IFNAR2: variants seen among roughly 807,000 people sequenced by gnomAD.
IFNAR2 encodes interferon alpha/beta receptor 2.
In IFNAR2, 30 loss-of-function variants were observed where a neutral mutation model predicts 49.4. That is an observed-to-expected ratio of 0.61 (90% CI 0.45 to 0.82). The LOEUF is 0.82. Among genes scored for constraint, IFNAR2 ranks in the 40% least tolerant of loss-of-function variants. The pLI is 0.00. For missense variants in IFNAR2, 600 were observed against 622.7 expected, an observed-to-expected ratio of 0.96 and a Z score of 0.39; for synonymous variants, 224 against 234.5, an observed-to-expected ratio of 0.96 and a Z score of 0.41.
At chr21:33,236,538 G>T (rs1173472122) in intron 1 of IFNAR2, among the ~76,000 whole-genome samples, 2 of 152,194 alleles carry the variant, frequency 1.3e-5, no homozygotes, top group Non-Finnish European at 2.9e-5. Flanking sequence ...AGTCCATGGG[G>T]CGAGGCTGGA....
chr21:33,256,908 T>A (rs1001707155), intron 7 of IFNAR2, among the ~76,000 whole-genome samples: 1 of 152,152 alleles, frequency 6.6e-6, no homozygotes, highest in African/African-American at 2.4e-5. Flanking sequence ...GATGTCAGGT[T>A]GAGGAGAGCA....
chr21:33,233,798 A>G (rs1444128660), intron 1 of IFNAR2, among the ~76,000 whole-genome samples: 2 of 152,186 alleles, frequency 1.3e-5, no homozygotes, highest in Non-Finnish European at 2.9e-5. Flanking sequence ...AGAGAAAGGT[A>G]AAAAGACTTG....
rs148873922 is a variant in IFNAR2, at chr21:33,260,211, C to A, written c.710-386C>A. On this transcript the variant is annotated intron_variant, in intron 7 of 8. Transcript: ENST00000342136. ...TCAAGCAAACTTTCCTTCCCCACTTCTTCCTGCCCGCAGCGCATGCTAACC... is the reference window on the plus strand; with the variant it reads ...TCAAGCAAACTTTCCTTCCCCACTTATTCCTGCCCGCAGCGCATGCTAACC... 2.4e-3 allele frequency among the ~76,000 whole-genome samples: 372 copies of A among 152,316 alleles called. 1 individual carries two copies. The highest frequency in any genetic ancestry group is 8.3e-3 in the African/African-American group (344 of 41,570).
intron 1 of IFNAR2, among the ~76,000 whole-genome samples, chr21:33,239,453 T>C (rs1017082576): frequency 6.6e-6 from 1 of 152,232 alleles, no homozygotes; most frequent in Non-Finnish European, 1.5e-5. Context: ...GCCATCAATG[T>C]TGTGAGCTAC....
chr21:33,235,525 A>T (rs1364949463), intron 1 of IFNAR2, among the ~76,000 whole-genome samples: 1 of 152,216 alleles, frequency 6.6e-6, no homozygotes, highest in Admixed American at 6.5e-5. Context: ...CCAAATAAAA[A>T]TGCCTGAGAA....
At position 33,262,881 on chromosome 21, in the gene IFNAR2, A is replaced by C; in HGVS notation, c.929A>C (p.Lys310Thr). 2 of 1,614,088 alleles carry C rather than the reference A, an allele frequency of 1.2e-6. 1 individual carries two copies. The highest frequency in any genetic ancestry group is 2.2e-5 in the South Asian group (2 of 91,078). Reference sequence around the variant, plus strand: ...GTGGAGGTCATTTACATCAACAGAAAGAAGAAAGTGTGGGATTATAATTAT... The same window carrying C: ...GTGGAGGTCATTTACATCAACAGAACGAAGAAAGTGTGGGATTATAATTAT... ...DMVEVIYINRKKKVWDYNYDD... is the reference protein window; with the variant it reads ...DMVEVIYINRTKKVWDYNYDD... Residue 310 changes from lysine to threonine, a missense_variant, in exon 9 of 9, where the codon AAG becomes ACG. Coordinates refer to ENST00000342136, the MANE Select transcript of IFNAR2 (RefSeq NM_001289125.3).
chr21:33,230,431 T>C lies in IFNAR2; in HGVS notation c.-84+215T>C. The stretch of plus-strand genomic sequence containing the variant: ...GCCGCACCTGCGACCCCAGGACCCC[T>C]CCCGGGCCCTGTCCTGCGCCCTCCA... On this transcript the variant is annotated intron_variant, in intron 1 of 8. Coordinates refer to ENST00000342136, the MANE Select transcript of IFNAR2 (RefSeq NM_001289125.3). The surrounding 1 kb of genome is among the most constrained non-coding windows in gnomAD (Gnocchi z 5.5). 1 of 467,452 alleles carries C rather than the reference T, an allele frequency of 2.1e-6. No individual in the cohort carries two copies. Among genetic ancestry groups the C allele is most frequent in the South Asian group, 1.6e-5 (1 of 61,502 alleles). The allele number at this position is 467,452 out of a possible 1,614,324, so 29.0% of individuals were successfully genotyped here. A position where few individuals can be genotyped will look rare whatever the true frequency, so the allele number is the denominator to read the frequency against.
chr21:33,236,705 C>T (rs1190224883), intron 1 of IFNAR2: 20 of 985,236 alleles, frequency 2.0e-5, no homozygotes, highest in Non-Finnish European at 2.4e-5. Flanking sequence ...GCCTAAACTG[C>T]AGGAGATGGG....
Position 33,263,286 on chromosome 21 carries a change from C to T in IFNAR2, c.1334C>T (p.Ala445Val). The change falls in exon 9 of 9, where the codon GCC (alanine) becomes GTC (valine). Residue 445 changes from alanine (A) to valine (V), a missense_variant. Transcript: ENST00000342136. ...LDDEDSDDLE[A>V]PLMLSSHLEE... ...GACGAGGACAGTGACGACTTAGAAG[C>T]CCCTCTGATGCTATCGTCTCATCTG... 1.9e-6 allele frequency: 3 copies of T among 1,614,190 alleles called. No individual in the cohort carries two copies. The highest frequency in any genetic ancestry group is 2.5e-6 in the Non-Finnish European group (3 of 1,180,030).
chr21:33,248,751 A>G lies in IFNAR2; in HGVS notation c.437A>G (p.Asn146Ser), dbSNP rs549962048. The change falls in exon 6 of 9, where the codon AAC becomes AGC. Residue 146 changes from asparagine to serine, a missense_variant. Physicochemically the swap from Asn to Ser is conservative, Grantham distance 46. Transcript: ENST00000342136. ...PPEFEIVGFT[N>S]HINVMVKFPS... Reference sequence around the variant, plus strand: ...GAGTTTGAGATTGTTGGTTTTACCAACCACATTAATGTGATGGTGAAATTT... The same window carrying G: ...GAGTTTGAGATTGTTGGTTTTACCAGCCACATTAATGTGATGGTGAAATTT... 2.8e-5 allele frequency: 45 copies of G among 1,610,938 alleles called. No individual in the cohort carries two copies. The Middle Eastern group carries it at 6.6e-4, about 24-fold the overall frequency.
At chr21:33,244,398 T>C (rs1987230853) in intron 3 of IFNAR2, among the ~76,000 whole-genome samples, 1 of 152,154 alleles carries the variant, frequency 6.6e-6, no homozygotes, top group South Asian at 2.1e-4. Flanking sequence ...ACTTCAGCAT[T>C]GTTGTGGGGC....
chr21:33,249,247 G>A (rs1987667989), intron 6 of IFNAR2, among the ~76,000 whole-genome samples: 1 of 151,736 alleles, frequency 6.6e-6, no homozygotes, highest in South Asian at 2.1e-4. Context: ...CGGAGGCTGA[G>A]GCAGGATAAT....
Position 33,244,939 on chromosome 21 carries a change from T to A in IFNAR2, c.98-12T>A, listed in dbSNP as rs946836306. On this transcript the variant is annotated splice_polypyrimidine_tract_variant and intron_variant, in intron 3 of 8. Coordinates refer to ENST00000342136, the MANE Select transcript of IFNAR2 (RefSeq NM_001289125.3). ...TTCCAAATTTCAATGCCCTTTTTCT[T>A]CTTCTCTTTAGATTACACAGATGAA... 3 of 1,613,246 alleles carry A rather than the reference T, an allele frequency of 1.9e-6. No homozygotes were observed. Among genetic ancestry groups the A allele is most frequent in the African/African-American group, 1.3e-5 (1 of 74,882 alleles).
intron 7 of IFNAR2, among the ~76,000 whole-genome samples, chr21:33,256,267 C>T (rs997547407): frequency 6.6e-6 from 1 of 152,186 alleles, no homozygotes; most frequent in Admixed American, 6.5e-5. Flanking sequence ...GGCGTGAATG[C>T]GTCATGTTGC....
chr21:33,230,321 C>T lies in IFNAR2; in HGVS notation c.-84+105C>T. ...TTCCCGGAATCCCCTCCGGTTCCCT[C>T]TCGCTCTCCCCGACTCCTCCTCCTC... On this transcript the variant is annotated intron_variant, in intron 1 of 8. Transcript: ENST00000342136. This position sits in a 1 kb window ranked among gnomAD's most constrained non-coding sequence, Gnocchi z 5.5. The T allele has an allele frequency of 2.1e-6, 2 of 962,244 alleles. No homozygotes were observed. The highest frequency in any genetic ancestry group is 1.3e-6 in the Non-Finnish European group (1 of 753,028). 59.6% of individuals were successfully genotyped at this position (962,244 alleles called of 1,614,324 possible).
intron 8 of IFNAR2, among the ~76,000 whole-genome samples, chr21:33,262,408 A>G (rs950434917): frequency 6.6e-6 from 1 of 151,568 alleles, no homozygotes; most frequent in Non-Finnish European, 1.5e-5. Flanking sequence ...CTCATAGAGC[A>G]GTTGCAAGGG....
chr21:33,240,348 G>A (rs185324376), intron 1 of IFNAR2, among the ~76,000 whole-genome samples: 96 of 152,272 alleles, frequency 6.3e-4, no homozygotes, highest in Admixed American at 5.6e-3. Context: ...TATAGCCTAG[G>A]AACAATAGTC....
At chr21:33,253,415 C>T (rs1053563138) in intron 7 of IFNAR2, among the ~76,000 whole-genome samples, 2 of 152,186 alleles carry the variant, frequency 1.3e-5, no homozygotes, top group Non-Finnish European at 2.9e-5. Context: ...GAACTCCCTG[C>T]TGATTGTTTT....
At position 33,252,650 on chromosome 21, in the gene IFNAR2, T is replaced by G. The variant is rs1390446086; in HGVS notation, c.541-12T>G. ...ATTCTCAGTCTTACTGATTTTTTGC[T>G]TATGTTTACAGCATAAACCCGAAAT... On this transcript the variant is annotated splice_polypyrimidine_tract_variant and intron_variant, in intron 6 of 8. Transcript: ENST00000342136. The G allele has an allele frequency of 6.2e-7, 1 of 1,606,446 alleles. No homozygotes were observed.
Sources: gnomAD v4.1 joint callset for allele counts (sites outside exome capture counted in the v4.1 genomes callset) on GRCh38, gnomAD v4.1.1 for gene constraint, Gnocchi (gnomAD v3.1) non-coding constraint, MANE v1.5 for transcripts, NCBI Gene and HGNC (gene_info 2026-07-23, HGNC 2026-07-21) for gene names.